The following TRAPPC6B variants were observed in gnomAD, a reference collection of about 807,000 sequenced individuals.
TRAPPC6B encodes the protein trafficking protein particle complex subunit 6B.
A neutral mutation model predicts 24.7 loss-of-function variants in TRAPPC6B; 27 were observed. The ratio of observed to expected loss-of-function variants is 1.09; its 90% CI spans 0.81 to 1.51. The LOEUF is 1.51. Ranked by LOEUF, TRAPPC6B falls within the 40% of genes most tolerant of loss-of-function variation. TRAPPC6B has a pLI of 0.00. For missense variants in TRAPPC6B, 212 were observed against 190.8 expected, an observed-to-expected ratio of 1.11 and a Z score of -0.66; for synonymous variants, 80 against 66.6, an observed-to-expected ratio of 1.20 and a Z score of -0.98.
In TRAPPC6B at chr14:39,148,684, G is replaced by A. The variant is rs7155307; in HGVS notation, c.*1666C>T. On this transcript the variant is annotated 3_prime_UTR_variant, in exon 6 of 6. Transcript: ENST00000330149. ...TAATAAACTTTATACATGTATATTT[G>A]GTAGGAACTTTCCTAAATTTTTTCA... The A allele has an allele frequency of 0.11, 43,263 of 398,212 alleles. 3,147 individuals carry two copies. Among genetic ancestry groups the A allele is most frequent in the East Asian group, 0.31 (8,817 of 28,016 alleles). The allele number at this position is 398,212 out of a possible 1,614,324, so 24.7% of individuals were successfully genotyped here. A position where few individuals can be genotyped will look rare whatever the true frequency, so the allele number is the denominator to read the frequency against.
At position 39,149,087 on chromosome 14, in the gene TRAPPC6B, T is replaced by G. The variant is rs527370865; in HGVS notation, c.*1263A>C. 9 of 245,652 alleles carry G rather than the reference T, an allele frequency of 3.7e-5. No individual in the cohort carries two copies. The East Asian group carries it at 6.9e-4, about 19-fold the overall frequency. The allele number at this position is 245,652 out of a possible 1,614,324, so 15.2% of individuals were successfully genotyped here. ...TCATTATAGGGCACATAACTAGAATTTAATAAATCAAGTTAAACAAATTAT... is the reference window on the plus strand; with the variant it reads ...TCATTATAGGGCACATAACTAGAATGTAATAAATCAAGTTAAACAAATTAT... On this transcript the variant is annotated 3_prime_UTR_variant, in exon 6 of 6. Transcript: ENST00000330149.
At chr14:39,155,858 T>C (rs1474556430) in intron 3 of TRAPPC6B, among the ~76,000 whole-genome samples, 1 of 152,048 alleles carries the variant, frequency 6.6e-6, no homozygotes, top group Admixed American at 6.6e-5. Context: ...AGAGACAGAA[T>C]TTTGCTGTTA....
intron 4 of TRAPPC6B, 124 bp from the exon 5 acceptor site, chr14:39,151,963 G>C: frequency 1.5e-6 from 1 of 665,528 alleles, no homozygotes; most frequent in Admixed American, 3.5e-5. Flanking sequence ...GGATTTTGAA[G>C]AACTGTTCAA....
chr14:39,153,349 C>T (rs933377826), intron 4 of TRAPPC6B, among the ~76,000 whole-genome samples: 7 of 151,926 alleles, frequency 4.6e-5, no homozygotes, highest in African/African-American at 1.4e-4. Context: ...GCAATCAGGC[C>T]GGATGCAGTG....
chr14:39,152,078 G>T (rs566106222), intron 4 of TRAPPC6B, among the ~76,000 whole-genome samples: 71 of 152,314 alleles, frequency 4.7e-4, no homozygotes, highest in African/African-American at 1.6e-3. Flanking sequence ...GTCCAGGACT[G>T]TGAATCTAGA....
rs974003028 is a variant in TRAPPC6B at position 39,148,904 on chromosome 14, C to G, written c.*1446G>C. 1 of 395,428 alleles carries G rather than the reference C, an allele frequency of 2.5e-6. No homozygotes were observed. Among genetic ancestry groups the G allele is most frequent in the African/African-American group, 2.1e-5 (1 of 48,666 alleles). The allele number at this position is 395,428 out of a possible 1,614,324, so 24.5% of individuals were successfully genotyped here. On this transcript the variant is annotated 3_prime_UTR_variant, in exon 6 of 6. Coordinates refer to ENST00000330149, the MANE Select transcript of TRAPPC6B (RefSeq NM_001079537.2). ...GCTATGGCCTATTGCTCCTAGGCTA[C>G]AAACCTGTACAGCATATTATTGTAG...
intron 3 of TRAPPC6B, among the ~76,000 whole-genome samples, chr14:39,154,883 C>T (rs1257727821): frequency 6.6e-6 from 1 of 152,136 alleles, no homozygotes; most frequent in Admixed American, 6.6e-5. Flanking sequence ...TAGTCTAGTA[C>T]GATGGAATCA....
chr14:39,166,223 G>A (rs2053106693), intron 1 of TRAPPC6B, among the ~76,000 whole-genome samples: 1 of 149,722 alleles, frequency 6.7e-6, no homozygotes, highest in Non-Finnish European at 1.5e-5. Context: ...TTACAGGTGT[G>A]AGCCACCACA....
intron 5 of TRAPPC6B, 65 bp downstream of exon 5, chr14:39,151,681 A>C: frequency 1.7e-6 from 1 of 591,894 alleles, no homozygotes; most frequent in Non-Finnish European, 2.5e-6. Context: ...CAGTTAAATT[A>C]AAAAAAAAAA....
intron 4 of TRAPPC6B, among the ~76,000 whole-genome samples, chr14:39,152,749 C>T (rs2052930013): frequency 6.6e-6 from 1 of 152,152 alleles, no homozygotes. Context: ...TGTTCCAGTT[C>T]TCAAAGATGT....
chr14:39,160,797 T>C (rs896400367), intron 1 of TRAPPC6B, among the ~76,000 whole-genome samples: 8 of 152,148 alleles, frequency 5.3e-5, no homozygotes, highest in African/African-American at 1.9e-4. Context: ...TTCAGAATAT[T>C]AGTAACAGCC....
chr14:39,150,746 C>A (rs1337402007), intron 5 of TRAPPC6B, among the ~76,000 whole-genome samples: 1 of 152,072 alleles, frequency 6.6e-6, no homozygotes, highest in Non-Finnish European at 1.5e-5. Flanking sequence ...ACCTTATTGG[C>A]CAGGCTGGTC....
chr14:39,170,085 T>A lies in TRAPPC6B; in HGVS notation c.11A>T (p.Glu4Val). 1 of 1,614,128 alleles carries A rather than the reference T, an allele frequency of 6.2e-7. No homozygotes were observed. Among genetic ancestry groups the A allele is most frequent in the South Asian group, 1.1e-5 (1 of 91,084 alleles). The change falls in exon 1 of 6, where the codon GAG becomes GTG. Residue 4 changes from glutamate to valine, a missense_variant. Glu to Val is a moderately radical substitution (Grantham distance 121). Coordinates refer to ENST00000330149, the MANE Select transcript of TRAPPC6B (RefSeq NM_001079537.2). ...GTTATGGAGAAGCAAAAACAACGCC[T>A]CATCCGCCATTTCCTGCTAATTCTT... The part of the protein sequence containing the change: MAD[E>V]ALFLLLHNEM...
intron 1 of TRAPPC6B, among the ~76,000 whole-genome samples, chr14:39,162,490 A>G (rs1048429609): frequency 3.9e-5 from 6 of 152,186 alleles, no homozygotes; most frequent in Admixed American, 1.3e-4. Context: ...ACTACTGCTT[A>G]TAATTGATTT....
chr14:39,162,180 T>C (rs543595982), intron 1 of TRAPPC6B, among the ~76,000 whole-genome samples: 1 of 152,320 alleles, frequency 6.6e-6, no homozygotes, highest in African/African-American at 2.4e-5. Context: ...ACTTATTTAT[T>C]TGACAAGTCT....
At chr14:39,152,955 C>T (rs2052932209) in intron 4 of TRAPPC6B, among the ~76,000 whole-genome samples, 1 of 151,938 alleles carries the variant, frequency 6.6e-6, no homozygotes, top group Admixed American at 6.6e-5. Context: ...TTTTGGGTGG[C>T]TTTTGTAATC....
In TRAPPC6B at chr14:39,150,092, T is replaced by A; in HGVS notation, c.*258A>T. The A allele has an allele frequency of 2.8e-6, 1 of 355,142 alleles. No homozygotes were observed. Among genetic ancestry groups the A allele is most frequent in the South Asian group, 5.7e-5 (1 of 17,548 alleles). The allele number at this position is 355,142 out of a possible 1,614,324, so 22.0% of individuals were successfully genotyped here. On this transcript the variant is annotated 3_prime_UTR_variant, in exon 6 of 6. Coordinates refer to ENST00000330149, the MANE Select transcript of TRAPPC6B (RefSeq NM_001079537.2). ...CTAAATACATATCACTCTAACCAAA[T>A]AAAAAGGTTTAAAATAAGGGCCCTG...
chr14:39,169,732 G>A (rs569006023), intron 1 of TRAPPC6B, among the ~76,000 whole-genome samples: 32 of 152,240 alleles, frequency 2.1e-4, no homozygotes, highest in Non-Finnish European at 3.1e-4. Flanking sequence ...TAATGGCAGG[G>A]ACAACACTAA....
intron 3 of TRAPPC6B, chr14:39,157,540 G>A (rs955522335): frequency 4.9e-6 from 2 of 411,274 alleles, no homozygotes; most frequent in African/African-American, 2.1e-5. Context: ...TGCACACTAT[G>A]TGGATCCCAT....
Sources: allele counts gnomAD v4.1 joint callset (sites outside exome capture counted in the v4.1 genomes callset), GRCh38; gene constraint gnomAD v4.1.1; transcripts MANE v1.5; gene names NCBI Gene and HGNC (gene_info 2026-07-23, HGNC 2026-07-21).